The following LRRIQ3 variants were observed in gnomAD, a reference collection of about 807,000 sequenced individuals.
The protein encoded by LRRIQ3 is leucine-rich repeat and IQ domain-containing protein 3.
LRRIQ3 carries 75 observed loss-of-function variants against 59.3 expected under a neutral mutation model. That is an observed-to-expected ratio of 1.26 (90% CI 1.05 to 1.53). The LOEUF is 1.53. LRRIQ3 is among the 40% of genes most tolerant of loss of function. The pLI, the probability that LRRIQ3 is intolerant of heterozygous loss-of-function variation, is 0.00. For missense variants in LRRIQ3, 831 were observed against 710.0 expected, an observed-to-expected ratio of 1.17 and a Z score of -1.94; for synonymous variants, 250 against 231.3, an observed-to-expected ratio of 1.08 and a Z score of -0.73.
chr1:74,067,905 T>G (rs2100460897), intron 6 of LRRIQ3, among the ~76,000 whole-genome samples: 1 of 152,206 alleles, frequency 6.6e-6, no homozygotes, highest in Admixed American at 6.6e-5. Context: ...TCTTTTTCTT[T>G]TATTTTGTCT....
intron 5 of LRRIQ3, among the ~76,000 whole-genome samples, chr1:74,106,599 T>C (rs944527259): frequency 6.6e-6 from 1 of 151,962 alleles, no homozygotes; most frequent in Non-Finnish European, 1.5e-5. Context: ...TTACTTACTA[T>C]AAGTTTATAA....
chr1:74,144,914 A>T (rs1212743979), intron 4 of LRRIQ3, among the ~76,000 whole-genome samples: 1 of 152,054 alleles, frequency 6.6e-6, no homozygotes, highest in African/African-American at 2.4e-5. Context: ...AAATAAATGC[A>T]CATACACACA....
intron 3 of LRRIQ3, among the ~76,000 whole-genome samples, chr1:74,179,178 T>C (rs1649816276): frequency 6.6e-6 from 1 of 152,054 alleles, no homozygotes; most frequent in Non-Finnish European, 1.5e-5. Flanking sequence ...AAAATATAAA[T>C]ATATATCCTT....
chr1:74,034,995 G>T (rs1339278394), intron 7 of LRRIQ3, among the ~76,000 whole-genome samples: 3 of 151,886 alleles, frequency 2.0e-5, no homozygotes, highest in African/African-American at 7.2e-5. Context: ...TAATATCAGA[G>T]AAAAAATGTG....
chr1:74,136,711 G>T (rs1008870683), intron 4 of LRRIQ3, among the ~76,000 whole-genome samples: 2 of 151,764 alleles, frequency 1.3e-5, no homozygotes, highest in Non-Finnish European at 2.9e-5. Context: ...GAGGCAAATT[G>T]GGAAGACTGT....
chr1:74,196,485 G>A (rs1341096964), intron 1 of LRRIQ3, among the ~76,000 whole-genome samples: 2 of 151,998 alleles, frequency 1.3e-5, no homozygotes, highest in Admixed American at 6.6e-5. Flanking sequence ...TTCTAGACTC[G>A]TATGTATAAT....
intron 4 of LRRIQ3, among the ~76,000 whole-genome samples, chr1:74,131,896 G>C (rs1028350809): frequency 6.6e-6 from 1 of 152,124 alleles, no homozygotes; most frequent in Non-Finnish European, 1.5e-5. Flanking sequence ...GCAGGAGAAA[G>C]AAATAAAGGG....
chr1:74,177,287 C>G (rs551894445), intron 3 of LRRIQ3, among the ~76,000 whole-genome samples: 33 of 152,192 alleles, frequency 2.2e-4, no homozygotes, highest in Middle Eastern at 6.8e-3. Flanking sequence ...TTCTCCTGTG[C>G]TGGATGCTTC....
At chr1:74,154,240 CAAAAAAAAAAAAAAAAAAAAAAAA>C (rs71078186) in intron 4 of LRRIQ3, among the ~76,000 whole-genome samples, 36 of 57,278 alleles carry the variant, frequency 6.3e-4, no homozygotes, top group South Asian at 2.3e-3. Flanking sequence ...GACTCCTTCT[CAAAAAAAAAAAAAAAAAAAAAAAA>C]AAAAAAAAAA....
At chr1:74,133,112 T>C (rs1019719626) in intron 4 of LRRIQ3, among the ~76,000 whole-genome samples, 4 of 151,896 alleles carry the variant, frequency 2.6e-5, no homozygotes, top group Non-Finnish European at 5.9e-5. Context: ...CATGAAAAAA[T>C]GCTCATCATC....
In LRRIQ3 at chr1:74,162,362, T is replaced by C. The variant is rs1220173237; in HGVS notation, c.574-6496A>G. ...AATGTTTTCAATCCAATCAAAGGAATTATAGTAAAGGCTTAGCAAAGAACA... is the reference window on the plus strand; with the variant it reads ...AATGTTTTCAATCCAATCAAAGGAACTATAGTAAAGGCTTAGCAAAGAACA... On this transcript the variant is annotated intron_variant, in intron 3 of 7. Transcript: ENST00000354431. 2.0e-5 allele frequency among the ~76,000 whole-genome samples: 3 copies of C among 151,918 alleles called. No individual in the cohort carries two copies. The East Asian group carries it at 5.8e-4, about 29-fold the overall frequency.
At chr1:74,065,076 T>G (rs1188521383) in intron 6 of LRRIQ3, among the ~76,000 whole-genome samples, 2 of 152,194 alleles carry the variant, frequency 1.3e-5, no homozygotes, top group East Asian at 3.9e-4. Flanking sequence ...AATATTTTCA[T>G]ATATTTCTCC....
chr1:74,166,300 T>C (rs926625239), intron 3 of LRRIQ3, among the ~76,000 whole-genome samples: 3 of 151,646 alleles, frequency 2.0e-5, no homozygotes, highest in Non-Finnish European at 4.4e-5. Flanking sequence ...TGTTTTTTTT[T>C]CTGTAGAAGT....
At chr1:74,134,889 C>T (rs1182204031) in intron 4 of LRRIQ3, among the ~76,000 whole-genome samples, 1 of 151,714 alleles carries the variant, frequency 6.6e-6, no homozygotes, top group Non-Finnish European at 1.5e-5. Flanking sequence ...GGATGTAAGT[C>T]CAGCTATATA....
At chr1:74,027,692 T>A (rs1653561743) in intron 7 of LRRIQ3, among the ~76,000 whole-genome samples, 1 of 152,102 alleles carries the variant, frequency 6.6e-6, no homozygotes, top group Non-Finnish European at 1.5e-5. Context: ...ACCGGGGAAA[T>A]GTCACAGGTC....
intron 5 of LRRIQ3, among the ~76,000 whole-genome samples, chr1:74,087,395 T>A (rs1437869949): frequency 6.2e-5 from 9 of 145,648 alleles, no homozygotes; most frequent in Non-Finnish European, 1.2e-4. Flanking sequence ...TTTTTTTTTT[T>A]TTTTTTTTTT....
chr1:74,060,409 CT>C (rs1435347875), intron 6 of LRRIQ3, among the ~76,000 whole-genome samples: 3 of 150,596 alleles, frequency 2.0e-5, no homozygotes, highest in Non-Finnish European at 4.4e-5. Flanking sequence ...TTTTCTACTT[CT>C]TTTTTTCTTA....
At chr1:74,154,558 T>C (rs1648205766) in intron 4 of LRRIQ3, among the ~76,000 whole-genome samples, 1 of 152,170 alleles carries the variant, frequency 6.6e-6, no homozygotes, top group Non-Finnish European at 1.5e-5. Flanking sequence ...ATTGTTCCCA[T>C]GAACAAAGTT....
At chr1:74,062,263 C>T (rs957052837) in intron 6 of LRRIQ3, among the ~76,000 whole-genome samples, 1 of 151,670 alleles carries the variant, frequency 6.6e-6, no homozygotes, top group Non-Finnish European at 1.5e-5. Context: ...AGACACTTTT[C>T]AAAAGAAGAT....
Sources: gnomAD v4.1 joint callset for allele counts (sites outside exome capture counted in the v4.1 genomes callset) on GRCh38, gnomAD v4.1.1 for gene constraint, MANE v1.5 for transcripts, NCBI Gene and HGNC (gene_info 2026-07-23, HGNC 2026-07-21) for gene names.